IFT52: variants seen among roughly 807,000 people sequenced by gnomAD.
The protein encoded by IFT52 is intraflagellar transport protein 52 homolog.
A neutral mutation model predicts 54.4 loss-of-function variants in IFT52; 44 were observed. The observed-to-expected ratio is 0.81, with a 90% CI of 0.63 to 1.04. The LOEUF (loss-of-function observed/expected upper bound fraction) is 1.04. Among genes scored for constraint, IFT52 ranks in the 50% least tolerant of loss-of-function variants. IFT52 has a pLI of 0.00. For missense variants in IFT52, 452 were observed against 523.6 expected, an observed-to-expected ratio of 0.86 and a Z score of 1.33; for synonymous variants, 181 against 185.3, an observed-to-expected ratio of 0.98 and a Z score of 0.19.
Position 43,642,918 on chromosome 20 carries a change from A to G in IFT52, c.1266+294A>G, listed in dbSNP as rs142708534. On this transcript the variant is annotated intron_variant, in intron 13 of 13. Coordinates refer to ENST00000373030, the MANE Select transcript of IFT52 (RefSeq NM_016004.5). ...GCAGTGGCTCACGCCTGTAATCCCA[A>G]CACTTTGGGAGGCTGAGGTAGGCAG... 6.7e-4 allele frequency among the ~76,000 whole-genome samples: 102 copies of G among 152,074 alleles called. 3 individuals are homozygous for G. In the East Asian group the frequency reaches 0.019, roughly 29 times the overall value.
At chr20:43,626,113 A>G (rs1984698282) in intron 10 of IFT52, among the ~76,000 whole-genome samples, 1 of 151,412 alleles carries the variant, frequency 6.6e-6, no homozygotes, top group Non-Finnish European at 1.5e-5. Context: ...AGTTTGAGGT[A>G]TATGGAGTTG....
chr20:43,594,870 A>G (rs978131938), intron 2 of IFT52, 53 bp downstream of exon 2: 3 of 931,436 alleles, frequency 3.2e-6, no homozygotes, highest in Non-Finnish European at 5.3e-6. Flanking sequence ...TCCTGCTGAT[A>G]AAGCTGAGAA....
At chr20:43,614,489 G>C (rs1053057443) in intron 7 of IFT52, among the ~76,000 whole-genome samples, 1 of 151,270 alleles carries the variant, frequency 6.6e-6, no homozygotes, top group African/African-American at 2.4e-5. Flanking sequence ...TGGTCCACCC[G>C]CCTTGGCCTC....
intron 5 of IFT52, 109 bp from the exon 6 acceptor site, chr20:43,604,893 A>C: frequency 1.8e-6 from 2 of 1,126,148 alleles, no homozygotes; most frequent in Non-Finnish European, 2.6e-6. Flanking sequence ...TTGACCTCCC[A>C]GGCTTAAGCA....
rs374238945 is a variant in IFT52, at chr20:43,642,504, T to C, written c.1146T>C (p.Tyr382=). Residue 382 remains tyrosine (Y), a synonymous_variant, in exon 13 of 14, where the codon TAT becomes TAC. Coordinates refer to ENST00000373030, the MANE Select transcript of IFT52 (RefSeq NM_016004.5). The part of the protein sequence containing the change: ...NKCTEEDLEF[Y]VRKCGDILGV... The stretch of plus-strand genomic sequence containing the variant: ...GTACTGAAGAAGACCTGGAATTTTA[T>C]GTCAGGAAGTGTGGTGATATTCTTG... The C allele has an allele frequency of 1.5e-4, 244 of 1,614,012 alleles. No individual in the cohort carries two copies. The highest frequency in any genetic ancestry group is 2.0e-4 in the Non-Finnish European group (237 of 1,180,000).
rs1169919748 is a variant in IFT52 at position 43,613,936 on chromosome 20, T to C, written c.572T>C (p.Phe191Ser). ...VAVLSTGSVC[F>S]PLNRPILAFY... Reference sequence around the variant, plus strand: ...GTTCTGTCTACAGGTTCTGTCTGCTTCCCACTTAACAGACCCATTTTGGCT... The same window carrying C: ...GTTCTGTCTACAGGTTCTGTCTGCTCCCCACTTAACAGACCCATTTTGGCT... Residue 191 changes from phenylalanine to serine, a missense_variant, in exon 7 of 14, where the codon TTC becomes TCC. Phe to Ser is a radical substitution (Grantham distance 155, BLOSUM62 -2). Coordinates refer to ENST00000373030, the MANE Select transcript of IFT52 (RefSeq NM_016004.5). 6.2e-7 allele frequency: 1 copy of C among 1,613,936 alleles called. No homozygotes were observed. Among genetic ancestry groups the C allele is most frequent in the African/African-American group, 1.3e-5 (1 of 75,050 alleles).
chr20:43,605,183 C>A, intron 6 of IFT52, 110 bp downstream of exon 6: 1 of 1,507,432 alleles, frequency 6.6e-7, no homozygotes, highest in Non-Finnish European at 8.9e-7. Flanking sequence ...AGAATTTGAA[C>A]AGTTCAAGAG....
chr20:43,616,699 G>A (rs945392827), intron 7 of IFT52, among the ~76,000 whole-genome samples: 8 of 151,730 alleles, frequency 5.3e-5, no homozygotes, highest in African/African-American at 9.7e-5. Flanking sequence ...TATTTGCCTC[G>A]TAAGCTTTAA....
intron 3 of IFT52, among the ~76,000 whole-genome samples, chr20:43,602,406 C>T (rs1162742074): frequency 6.6e-6 from 1 of 151,884 alleles, no homozygotes; most frequent in Non-Finnish European, 1.5e-5. Context: ...AAGTGATCCA[C>T]CCACCTCAGC....
At chr20:43,619,080 T>C in intron 8 of IFT52, 54 bp downstream of exon 8, 3 of 1,244,254 alleles carry the variant, frequency 2.4e-6, no homozygotes, top group Non-Finnish European at 3.5e-6. Context: ...TTTCATGTCA[T>C]TTAAAAAAAT....
At position 43,607,207 on chromosome 20, in the gene IFT52, G is replaced by A. The variant is rs1159772780; in HGVS notation, c.485+2134G>A. 5.1e-5 allele frequency among the ~76,000 whole-genome samples: 7 copies of A among 136,968 alleles called. 1 individual carries two copies. The highest frequency in any genetic ancestry group is 1.4e-4 in the Admixed American group (2 of 14,182). 89.9% of individuals were successfully genotyped at this position (136,968 alleles called of 152,430 possible). ...TCCTGGATGGGGCGGCTGGCCGGGC[G>A]GGGGGCTGACCCCCCCACCTCCCTC... On this transcript the variant is annotated intron_variant, in intron 6 of 13. Transcript: ENST00000373030.
intron 10 of IFT52, among the ~76,000 whole-genome samples, chr20:43,626,790 G>A (rs1387290036): frequency 1.4e-5 from 1 of 72,736 alleles, no homozygotes; most frequent in African/African-American, 3.7e-5. Context: ...AGCTCACAAA[G>A]TGTTAAAAGT....
chr20:43,622,039 C>G (rs1984339706), intron 9 of IFT52, among the ~76,000 whole-genome samples: 1 of 152,208 alleles, frequency 6.6e-6, no homozygotes, highest in Non-Finnish European at 1.5e-5. Flanking sequence ...TCTCCTAATT[C>G]AAACTGCACT....
Position 43,602,310 on chromosome 20 carries a change from A to C in IFT52, c.208-1450A>C, listed in dbSNP as rs371170904. On this transcript the variant is annotated intron_variant, in intron 3 of 13. Coordinates refer to ENST00000373030, the MANE Select transcript of IFT52 (RefSeq NM_016004.5). The stretch of plus-strand genomic sequence containing the variant: ...CTCCCGAGTAGCGGGGATTACAGGC[A>C]TCTGCCCCCACACCTGGCTATTTGT... Among the ~76,000 whole-genome samples, 3 of 151,666 alleles carry C rather than the reference A, an allele frequency of 2.0e-5. No individual in the cohort carries two copies. The East Asian group carries it at 5.8e-4, about 29-fold the overall frequency.
At chr20:43,607,243 CGGCTGGCCGGGCGGGGGGCTG>C (rs1982987267) in intron 6 of IFT52, among the ~76,000 whole-genome samples, 1 of 149,440 alleles carries the variant, frequency 6.7e-6, no homozygotes, top group African/African-American at 2.5e-5. Context: ...CCGGACGGGG[CGGCTGGCCGGGCGGGGGGCTG>C]ACCCCCCCAC....
intron 10 of IFT52, among the ~76,000 whole-genome samples, chr20:43,627,091 C>T (rs142376067): frequency 0.02 from 3,104 of 151,742 alleles, 58 homozygotes; most frequent in Admixed American, 0.05. Context: ...CACTTGAACC[C>T]GGGTGGCAGA....
chr20:43,595,412 G>C (rs1378142047), intron 2 of IFT52, among the ~76,000 whole-genome samples: 1 of 151,334 alleles, frequency 6.6e-6, no homozygotes, highest in Admixed American at 6.6e-5. Context: ...AGCTGGGCAT[G>C]ATCGTGCGTG....
At position 43,618,945 on chromosome 20, in the gene IFT52, AG is replaced by A; in HGVS notation, c.620del (p.Gly207ValfsTer41). ...ILAFYHSKNQ[G>X]GKLAVLGSCH... is the part of the protein sequence containing the mutation. ...CCCTGCTTTGTCATCAATAGAACCA[AG>A]GTGGGAAGCTGGCAGTGCTTGGTTC... is the stretch of plus-strand genomic sequence containing the variant. On this transcript the variant is annotated frameshift_variant, in exon 8 of 14. Transcript: ENST00000373030. LOFTEE classifies it high-confidence loss of function. The A allele has an allele frequency of 6.2e-7, 1 of 1,613,314 alleles. No individual in the cohort carries two copies. Among genetic ancestry groups the A allele is most frequent in the Non-Finnish European group, 8.5e-7 (1 of 1,179,306 alleles).
chr20:43,638,192 T>C (rs969078977), intron 12 of IFT52, among the ~76,000 whole-genome samples: 9 of 44,900 alleles, frequency 2.0e-4, no homozygotes, highest in African/African-American at 1.8e-3. Context: ...AAGGAGATTA[T>C]ATTTTTTTTT....
Sources: gnomAD v4.1 joint callset for allele counts (sites outside exome capture counted in the v4.1 genomes callset) on GRCh38, gnomAD v4.1.1 for gene constraint, MANE v1.5 for transcripts, NCBI Gene and HGNC (gene_info 2026-07-23, HGNC 2026-07-21) for gene names.